The following SLC44A5 variants were observed in gnomAD, a reference collection of about 807,000 sequenced individuals.
SLC44A5 encodes the protein solute carrier family 44 member 5, also known as choline transporter-like protein 5.
In SLC44A5, 57 loss-of-function variants were observed where a neutral mutation model predicts 101.8. That is an observed-to-expected ratio of 0.56 (90% CI 0.45 to 0.70). SLC44A5 has a LOEUF of 0.70. Among genes scored for constraint, SLC44A5 ranks in the 30% least tolerant of loss-of-function variants. The probability of loss-of-function intolerance (pLI) is 0.00; values close to 1 mark genes in which losing one functional copy is unlikely to be tolerated. For missense variants in SLC44A5, 737 were observed against 853.1 expected, an observed-to-expected ratio of 0.86 and a Z score of 1.70; for synonymous variants, 281 against 290.9, an observed-to-expected ratio of 0.97 and a Z score of 0.35.
intron 3 of SLC44A5, among the ~76,000 whole-genome samples, chr1:75,377,269 G>C (rs1660696869): frequency 8.0e-6 from 1 of 124,336 alleles, no homozygotes; most frequent in Non-Finnish European, 1.7e-5. Context: ...GAGTTAAATG[G>C]ATTAAGGGCG....
intron 6 of SLC44A5, among the ~76,000 whole-genome samples, chr1:75,261,064 A>G (rs1449447652): frequency 6.6e-6 from 1 of 152,168 alleles, no homozygotes; most frequent in African/African-American, 2.4e-5. Context: ...TGCCCACAAG[A>G]TAAAGCAGGA....
intron 4 of SLC44A5, among the ~76,000 whole-genome samples, chr1:75,326,961 C>T (rs1656647058): frequency 6.6e-6 from 1 of 152,012 alleles, no homozygotes; most frequent in Non-Finnish European, 1.5e-5. Context: ...TACAATGGAG[C>T]ATTTTCAGGA....
Position 75,437,687 on chromosome 1 carries a change from T to C in SLC44A5, c.14-41066A>G, listed in dbSNP as rs183657073. On this transcript the variant is annotated intron_variant, in intron 2 of 23. Coordinates refer to ENST00000370859, the MANE Select transcript of SLC44A5 (RefSeq NM_001130058.2). ...GCATCACAGCGATGATAAAGCAGGA[T>C]GGTACAAAAACACCAGAATGATTAG... is the stretch of plus-strand genomic sequence containing the variant. Among the ~76,000 whole-genome samples the C allele has an allele frequency of 1.1e-3, 161 of 152,216 alleles. 1 individual carries two copies. The highest frequency in any genetic ancestry group is 2.0e-3 in the Non-Finnish European group (136 of 67,996).
At chr1:75,429,632 T>G (rs1261502678) in intron 2 of SLC44A5, among the ~76,000 whole-genome samples, 1 of 152,206 alleles carries the variant, frequency 6.6e-6, no homozygotes, top group Non-Finnish European at 1.5e-5. Context: ...GGTGCCAGCA[T>G]CTGCTTCTGG....
chr1:75,683,716 C>T, the SLC44A5 span, among the ~76,000 whole-genome samples: 5 of 151,698 alleles, frequency 3.3e-5, no homozygotes, highest in African/African-American at 1.2e-4. Flanking sequence ...TGTAACTAAC[C>T]TGCACAATGT....
rs74641612 is a variant in SLC44A5, at chr1:75,499,955, A to G, written c.13+41480T>C. On this transcript the variant is annotated intron_variant, in intron 2 of 23. Transcript: ENST00000370859. ...GTGGACAGAAGTGATAGGCATTATT[A>G]CTAGACCCTGCCCATAAACCCCTCC... Among the ~76,000 whole-genome samples the G allele has an allele frequency of 5.8e-3, 880 of 152,250 alleles. 3 individuals carry two copies. The highest frequency in any genetic ancestry group is 0.02 in the African/African-American group (843 of 41,550).
the SLC44A5 span, among the ~76,000 whole-genome samples, chr1:75,717,266 C>T: frequency 4.7e-5 from 7 of 149,342 alleles, no homozygotes; most frequent in Admixed American, 4.7e-4. Context: ...ACTTGAATCT[C>T]GGAGACGGAG....
chr1:75,468,817 A>G (rs944808478), intron 2 of SLC44A5, among the ~76,000 whole-genome samples: 8 of 152,196 alleles, frequency 5.3e-5, no homozygotes, highest in Admixed American at 3.9e-4. Context: ...AAATAACAAG[A>G]AGAGCATAAT....
chr1:75,652,403 T>A, the SLC44A5 span, among the ~76,000 whole-genome samples: 11 of 152,346 alleles, frequency 7.2e-5, no homozygotes, highest in East Asian at 1.3e-3. Flanking sequence ...CCCAGTTAAA[T>A]TCTTTCTTCT....
rs569179442 is a variant in SLC44A5 at position 75,203,711 on chromosome 1, C to T, written c.*16G>A. On this transcript the variant is annotated 3_prime_UTR_variant, in exon 24 of 24. Coordinates refer to ENST00000370859, the MANE Select transcript of SLC44A5 (RefSeq NM_001130058.2). ...GAAAAGGTAACACACAGCTGTAGGA[C>T]GACCAGTTTGCTCTTCTACTGCTTC... 2.5e-4 allele frequency: 394 copies of T among 1,546,120 alleles called. 3 individuals are homozygous for T. The Admixed American group carries it at 3.8e-3, about 15-fold the overall frequency.
rs747486543 is a variant in SLC44A5 at position 75,251,211 on chromosome 1, T to C, written c.344A>G (p.Gln115Arg). The C allele has an allele frequency of 1.4e-5, 22 of 1,609,852 alleles. No individual in the cohort carries two copies. Among genetic ancestry groups the C allele is most frequent in the Middle Eastern group, 1.6e-4 (1 of 6,076 alleles). Residue 115 changes from glutamine to arginine, a missense_variant and splice_region_variant, in exon 7 of 24, where the codon CAG (glutamine) becomes CGG (arginine). Gln to Arg is a conservative substitution (Grantham distance 43). Transcript: ENST00000370859. ...CCAGTGAGGCACCTTTTGCCTTACC[T>C]GTGTGGTAGGGCACTGTAGGTTTAG... ...VLLNLQCPTT[Q>R]ICVSKCPEKF...
intron 1 of SLC44A5, among the ~76,000 whole-genome samples, chr1:75,562,799 G>A (rs1029792422): frequency 6.6e-6 from 1 of 152,012 alleles, no homozygotes; most frequent in Admixed American, 6.6e-5. Context: ...TTTCAAATGG[G>A]TGATCACTTA....
intron 2 of SLC44A5, among the ~76,000 whole-genome samples, chr1:75,441,553 T>G (rs1665201464): frequency 6.6e-6 from 1 of 151,924 alleles, no homozygotes; most frequent in East Asian, 1.9e-4. Flanking sequence ...CTAATTATAA[T>G]AATAAACATA....
chr1:75,712,673 A>G, the SLC44A5 span, among the ~76,000 whole-genome samples: 1 of 149,060 alleles, frequency 6.7e-6, no homozygotes, highest in Non-Finnish European at 1.5e-5. Flanking sequence ...TACTATTGCT[A>G]CAGAAGACAA....
intron 2 of SLC44A5, among the ~76,000 whole-genome samples, chr1:75,424,139 G>A (rs1310677154): frequency 3.3e-5 from 5 of 152,120 alleles, no homozygotes; most frequent in Non-Finnish European, 5.9e-5. Context: ...AGAGGCTTTT[G>A]TTTCTAAAGA....
chr1:75,655,823 A>G, the SLC44A5 span, among the ~76,000 whole-genome samples: 2 of 152,270 alleles, frequency 1.3e-5, no homozygotes, highest in South Asian at 4.1e-4. Context: ...AGGTAGAAAA[A>G]AATATATTAG....
chr1:75,636,281 ATAT>A, the SLC44A5 span, among the ~76,000 whole-genome samples: 1 of 152,086 alleles, frequency 6.6e-6, no homozygotes, highest in African/African-American at 2.4e-5. Context: ...AAGAATTAAG[ATAT>A]TATATACAAG....
intron 1 of SLC44A5, among the ~76,000 whole-genome samples, chr1:75,549,150 G>A (rs1252289233): frequency 6.6e-6 from 1 of 152,004 alleles, no homozygotes; most frequent in African/African-American, 2.4e-5. Context: ...CAGAGGTTTT[G>A]CTTTGACTCT....
rs75723878 is a variant in SLC44A5, at chr1:75,412,596, A to G, written c.14-15975T>C. 1.3e-4 allele frequency among the ~76,000 whole-genome samples: 20 copies of G among 152,328 alleles called. No individual in the cohort carries two copies. The East Asian group carries it at 3.9e-3, about 29-fold the overall frequency. On this transcript the variant is annotated intron_variant, in intron 2 of 23. Coordinates refer to ENST00000370859, the MANE Select transcript of SLC44A5 (RefSeq NM_001130058.2). ...CCAAAATTTCTTCTCTGGTATCAAC[A>G]TGCATACAACAGTCCTCTCTCATCC... is the stretch of plus-strand genomic sequence containing the variant.
Sources: gnomAD v4.1 joint callset for allele counts (sites outside exome capture counted in the v4.1 genomes callset) on GRCh38, gnomAD v4.1.1 for gene constraint, MANE v1.5 for transcripts, NCBI Gene and HGNC (gene_info 2026-07-23, HGNC 2026-07-21) for gene names.